The following PTPRJ variants were observed in gnomAD, a reference collection of about 807,000 sequenced individuals.
PTPRJ encodes receptor-type tyrosine-protein phosphatase eta.
PTPRJ carries 129 observed loss-of-function variants against 141.3 expected under a neutral mutation model. That is an observed-to-expected ratio of 0.91 (90% CI 0.79 to 1.06). The LOEUF (loss-of-function observed/expected upper bound fraction) is 1.06. Among genes scored for constraint, PTPRJ ranks in the 50% least tolerant of loss-of-function variants. The pLI is 0.00. For synonymous variants in PTPRJ, 610 were observed against 640.5 expected (o/e 0.95, Z 0.72); for missense variants, 1,601 against 1,679.7 (o/e 0.95, Z 0.82).
Position 48,156,035 on chromosome 11 carries a change from C to T in PTPRJ, c.3354C>T (p.Asn1118=), listed in dbSNP as rs1403765952. Residue 1118 remains asparagine, a synonymous_variant, in exon 21 of 25, where the codon AAC becomes AAT. Transcript: ENST00000418331. ...TTGCCACACAAGGACCTTTACCGAA[C>T]ACTTTGAAAGATTTTTGGCGTATGG... is the stretch of plus-strand genomic sequence containing the variant. ...DFIATQGPLP[N]TLKDFWRMVW... 2 of 1,605,900 alleles carry T rather than the reference C, an allele frequency of 1.2e-6. No homozygotes were observed. Among genetic ancestry groups the T allele is most frequent in the African/African-American group, 2.7e-5 (2 of 74,730 alleles).
chr11:48,014,584 C>T (rs917694718), intron 1 of PTPRJ: 7 of 152,272 alleles, frequency 4.6e-5, no homozygotes, highest in Admixed American at 2.0e-4. Flanking sequence ...AACTTCCATT[C>T]TAGCAGAAGT....
intron 3 of PTPRJ, among the ~76,000 whole-genome samples, chr11:48,113,383 G>A (rs546790929): frequency 3.0e-4 from 46 of 152,192 alleles, no homozygotes; most frequent in Admixed American, 2.1e-3. Context: ...TACCTGCCTG[G>A]CATTCTATTT....
chr11:48,078,707 A>G (rs11828823), intron 1 of PTPRJ, among the ~76,000 whole-genome samples: 4,497 of 151,386 alleles, frequency 0.03, 229 homozygotes, highest in African/African-American at 0.1. Flanking sequence ...AATGGTTTGT[A>G]CCTTATTAAA....
chr11:48,018,773 A>C (rs1328704376), intron 1 of PTPRJ, among the ~76,000 whole-genome samples: 3 of 152,150 alleles, frequency 2.0e-5, no homozygotes, highest in African/African-American at 7.2e-5. Flanking sequence ...GATTTGAGTA[A>C]GTGACAGCCC....
intron 1 of PTPRJ, among the ~76,000 whole-genome samples, chr11:48,050,996 G>GT (rs1378907871): frequency 6.9e-6 from 1 of 145,648 alleles, no homozygotes; most frequent in African/African-American, 2.5e-5. Context: ...TAACAGAGCT[G>GT]TTTTGCCAAG....
chr11:48,112,755 C>T lies in PTPRJ; in HGVS notation c.124C>T (p.Pro42Ser), dbSNP rs2134327829. The change falls in exon 3 of 25, where the codon CCA becomes TCA. Residue 42 changes from proline to serine, a missense_variant. Transcript: ENST00000418331. ...TTACTTTCTTTGCATAGCCCCTAGT[C>T]CAATTCCTGACCCTTCAGTAGCAAC... ...QILCAGGTPS[P>S]IPDPSVATVA... 6.2e-7 allele frequency: 1 copy of T among 1,612,392 alleles called. No homozygotes were observed. Among genetic ancestry groups the T allele is most frequent in the Non-Finnish European group, 8.5e-7 (1 of 1,178,412 alleles).
Position 48,128,036 on chromosome 11 carries a change from G to A in PTPRJ, c.1350G>A (p.Val450=). 6.2e-7 allele frequency: 1 copy of A among 1,612,444 alleles called. No individual in the cohort carries two copies. The highest frequency in any genetic ancestry group is 2.2e-5 in the East Asian group (1 of 44,808). The change falls in exon 7 of 25, where the codon GTG becomes GTA. Residue 450 remains valine, a synonymous_variant. Coordinates refer to ENST00000418331, the MANE Select transcript of PTPRJ (RefSeq NM_002843.4). ...DIEGTPGFLQ[V]HTPPVPVSDF... is the part of the protein sequence containing the mutation. ...AGGGCACGCCGGGCTTCCTCCAAGTGCACACCCGTGAGTTCATGCCTGGCT... is the reference window on the plus strand; with the variant it reads ...AGGGCACGCCGGGCTTCCTCCAAGTACACACCCGTGAGTTCATGCCTGGCT...
In PTPRJ at chr11:48,128,025, T is replaced by G; in HGVS notation, c.1339T>G (p.Phe447Val). Residue 447 changes from phenylalanine (F) to valine (V), a missense_variant, in exon 7 of 25, where the codon TTC becomes GTC. Coordinates refer to ENST00000418331, the MANE Select transcript of PTPRJ (RefSeq NM_002843.4). ...AGGTGACATCGAGGGCACGCCGGGCTTCCTCCAAGTGCACACCCGTGAGTT... is the reference window on the plus strand; with the variant it reads ...AGGTGACATCGAGGGCACGCCGGGCGTCCTCCAAGTGCACACCCGTGAGTT... ...VLGDIEGTPG[F>V]LQVHTPPVPV... The G allele has an allele frequency of 6.2e-7, 1 of 1,613,238 alleles. No homozygotes were observed. The highest frequency in any genetic ancestry group is 2.2e-5 in the East Asian group (1 of 44,832).
intron 1 of PTPRJ, among the ~76,000 whole-genome samples, chr11:48,002,644 C>G (rs1021229483): frequency 6.6e-6 from 1 of 152,148 alleles, no homozygotes; most frequent in Non-Finnish European, 1.5e-5. Flanking sequence ...TAACTGGTTA[C>G]CTGGGTGCTT....
chr11:48,124,768 A>G (rs1181369812), intron 5 of PTPRJ, among the ~76,000 whole-genome samples, 200 bp from the exon 6 acceptor site: 1 of 152,226 alleles, frequency 6.6e-6, no homozygotes, highest in African/African-American at 2.4e-5. Flanking sequence ...TACTGGAATA[A>G]CAGTACAAAT....
intron 1 of PTPRJ, among the ~76,000 whole-genome samples, chr11:48,097,833 C>T (rs919279621): frequency 4.6e-5 from 7 of 152,050 alleles, no homozygotes; most frequent in South Asian, 2.1e-4. Flanking sequence ...CCACCGCACC[C>T]GGCCTGAATT....
Position 48,069,745 on chromosome 11 carries a change from T to C in PTPRJ, c.97-40313T>C, listed in dbSNP as rs142724684. 1.1e-3 allele frequency among the ~76,000 whole-genome samples: 163 copies of C among 152,268 alleles called. 2 individuals carry two copies. The highest frequency in any genetic ancestry group is 3.8e-3 in the African/African-American group (159 of 41,562). On this transcript the variant is annotated intron_variant, in intron 1 of 24. Transcript: ENST00000418331. Reference sequence around the variant, plus strand: ...GGATTACAGGCCTCTGCGCCTGGCCTTGCATTGACAATTAATTTGTTTATG... The same window carrying C: ...GGATTACAGGCCTCTGCGCCTGGCCCTGCATTGACAATTAATTTGTTTATG...
At chr11:48,114,429 CAAAAAAAAAAAAAAAA>C (rs71045544) in intron 3 of PTPRJ, among the ~76,000 whole-genome samples, 1 of 68,716 alleles carries the variant, frequency 1.5e-5, no homozygotes, top group Admixed American at 2.4e-4. Context: ...GACTCTGTCT[CAAAAAAAAAAAAAAAA>C]AAAAAAAAAA....
chr11:48,052,745 C>T (rs1188420335), intron 1 of PTPRJ, among the ~76,000 whole-genome samples: 3 of 151,992 alleles, frequency 2.0e-5, no homozygotes, highest in Non-Finnish European at 2.9e-5. Flanking sequence ...CCTACCTTAC[C>T]GCCATTAATA....
Position 48,123,790 on chromosome 11 carries a change from G to T in PTPRJ, c.794G>T (p.Gly265Val). Residue 265 changes from glycine to valine, a missense_variant, in exon 5 of 25, where the codon GGG (glycine) becomes GTG (valine). By Grantham distance (109) the Gly-to-Val change is moderately radical (BLOSUM62 -3). Transcript: ENST00000418331. ...LQVNISGLKP[G>V]VQYNINPYLL... is the part of the protein sequence containing the mutation. The stretch of plus-strand genomic sequence containing the variant: ...GTCAATATCTCGGGCCTGAAGCCAG[G>T]GGTTCAATACAACATCAACCCGTAT... The T allele has an allele frequency of 6.2e-7, 1 of 1,614,044 alleles. No homozygotes were observed. The highest frequency in any genetic ancestry group is 8.5e-7 in the Non-Finnish European group (1 of 1,180,000).
At chr11:48,006,654 A>C (rs1393073742) in intron 1 of PTPRJ, among the ~76,000 whole-genome samples, 6 of 152,052 alleles carry the variant, frequency 3.9e-5, no homozygotes. Flanking sequence ...ATTCCTACTG[A>C]GCATTACCTT....
At chr11:48,031,144 A>G (rs1298499713) in intron 1 of PTPRJ, among the ~76,000 whole-genome samples, 2 of 152,238 alleles carry the variant, frequency 1.3e-5, no homozygotes, top group African/African-American at 4.8e-5. Flanking sequence ...TTCTTGGTGA[A>G]TAGATTCCTA....
At chr11:48,085,564 C>T (rs541849622) in intron 1 of PTPRJ, among the ~76,000 whole-genome samples, 2 of 152,034 alleles carry the variant, frequency 1.3e-5, no homozygotes, top group Non-Finnish European at 2.9e-5. Context: ...AGGCTGGTCT[C>T]GAACTCCTGA....
At chr11:48,108,427 C>T (rs539096628) in intron 1 of PTPRJ, among the ~76,000 whole-genome samples, 2 of 152,304 alleles carry the variant, frequency 1.3e-5, no homozygotes, top group South Asian at 4.1e-4. Context: ...TTCCTTCAGG[C>T]GGTCTGAGTC....
Sources: gnomAD v4.1 joint callset for allele counts (sites outside exome capture counted in the v4.1 genomes callset) on GRCh38, gnomAD v4.1.1 for gene constraint, MANE v1.5 for transcripts, NCBI Gene and HGNC (gene_info 2026-07-23, HGNC 2026-07-21) for gene names.